The following ADPRHL1 variants were observed in gnomAD, a reference collection of about 807,000 sequenced individuals.
ADPRHL1 encodes the protein ADP-ribosylhydrolase like 1, also known as inactive ADP-ribosyltransferase ARH2.
A neutral mutation model predicts 44.1 loss-of-function variants in ADPRHL1; 43 were observed. That is an observed-to-expected ratio of 0.98 (90% CI 0.76 to 1.26). The LOEUF is 1.26. ADPRHL1 is among the 50% of genes most tolerant of loss of function. The pLI is 0.00. For synonymous variants in ADPRHL1, 878 were observed against 1,017.4 expected, an observed-to-expected ratio of 0.86 and a Z score of 2.61; for missense variants, 2,022 against 2,496.9, an observed-to-expected ratio of 0.81 and a Z score of 4.05.
intron 7 of ADPRHL1, among the ~76,000 whole-genome samples, chr13:113,419,055 T>TTTCCTTCCTTCA (rs1566470041): frequency 7.9e-6 from 1 of 126,190 alleles, no homozygotes; most frequent in African/African-American, 2.9e-5. Context: ...CCTTCCTTCT[T>TTTCCTTCCTTCA]CTCCTTCCTT....
Position 113,403,733 on chromosome 13 carries a change from CCT to C in ADPRHL1, c.5547_5548del (p.Gly1851GlnfsTer36), listed in dbSNP as rs2043781249. On this transcript the variant is annotated frameshift_variant, in exon 8 of 8. Transcript: ENST00000612156. LOFTEE classifies it low-confidence loss of function (END_TRUNC). ...GCTGGGCTCCCCCAGGCCACTGCCC[CCT>C]GACTGTCCACCATCCCTGGGGGCTG... is the stretch of plus-strand genomic sequence containing the variant. 1 of 1,232,446 alleles carries C rather than the reference CCT, an allele frequency of 8.1e-7. No individual in the cohort carries two copies. The highest frequency in any genetic ancestry group is 4.2e-5 in the Admixed American group (1 of 23,714). The allele number at this position is 1,232,446 out of a possible 1,614,324, so 76.3% of individuals were successfully genotyped here.
chr13:113,448,796 T>G (rs1334284255), intron 1 of ADPRHL1, among the ~76,000 whole-genome samples: 1 of 152,226 alleles, frequency 6.6e-6, no homozygotes, highest in African/African-American at 2.4e-5. Flanking sequence ...CACACTGGCC[T>G]AAGTGCTTCC....
chr13:113,452,473 T>C (rs2044185279), intron 1 of ADPRHL1, among the ~76,000 whole-genome samples: 1 of 152,190 alleles, frequency 6.6e-6, no homozygotes, highest in South Asian at 2.1e-4. Context: ...AATTCTGCCA[T>C]GATAAACAGC....
At position 113,400,735 on chromosome 13, in the gene ADPRHL1, T is replaced by G. The variant is rs986017351; in HGVS notation, c.*2643A>C. The G allele has an allele frequency of 2.0e-5, 3 of 152,236 alleles. No homozygotes were observed. The highest frequency in any genetic ancestry group is 7.2e-5 in the African/African-American group (3 of 41,440). The allele number at this position is 152,236 out of a possible 1,614,324, so 9.4% of individuals were successfully genotyped here. ...TGCACACAGAGTAGCTGTGCTGTTT[T>G]TGAGCTGAGGGCAGTGTCATGCTGG... On this transcript the variant is annotated 3_prime_UTR_variant, in exon 8 of 8. Transcript: ENST00000612156.
In ADPRHL1 at chr13:113,409,207, G is replaced by T; in HGVS notation, c.1062-987C>A. 1 of 743,216 alleles carries T rather than the reference G, an allele frequency of 1.3e-6. No individual in the cohort carries two copies. The highest frequency in any genetic ancestry group is 1.6e-6 in the Non-Finnish European group (1 of 608,756). The allele number at this position is 743,216 out of a possible 1,614,324, so 46.0% of individuals were successfully genotyped here. A position where few individuals can be genotyped will look rare whatever the true frequency, so the allele number is the denominator to read the frequency against. On this transcript the variant is annotated intron_variant, in intron 7 of 7. Transcript: ENST00000612156. This position sits in a 1 kb window ranked among gnomAD's most constrained non-coding sequence, Gnocchi z 4.2. Reference sequence around the variant, plus strand: ...TGATTTGATGGTGTTTTCTGAGCCTGGGTCCGGGGTAAGTTCTGCTCCTGA... The same window carrying T: ...TGATTTGATGGTGTTTTCTGAGCCTTGGTCCGGGGTAAGTTCTGCTCCTGA...
intron 7 of ADPRHL1, among the ~76,000 whole-genome samples, chr13:113,415,241 C>T (rs1218397230): frequency 6.6e-6 from 1 of 152,176 alleles, no homozygotes; most frequent in Non-Finnish European, 1.5e-5. Context: ...GCGGACCTGC[C>T]CGTGTCCGGG....
At position 113,407,790 on chromosome 13, in the gene ADPRHL1, C is replaced by A; in HGVS notation, c.1492G>T (p.Gly498Trp). Reference protein sequence around the residue: ...SEKPRWGHPAGKSTVKNILKI... With the variant: ...SEKPRWGHPAWKSTVKNILKI... The stretch of plus-strand genomic sequence containing the variant: ...AGGATGTTTTTCACGGTGCTCTTCC[C>A]GGCCGGGTGGCCCCAGCGGGGCTTC... The change falls in exon 8 of 8, where the codon GGG (glycine) becomes TGG (tryptophan). Residue 498 changes from glycine to tryptophan, a missense_variant. Gly to Trp is a radical substitution (Grantham distance 184). Transcript: ENST00000612156. The A allele has an allele frequency of 1.6e-6, 2 of 1,232,066 alleles. No individual in the cohort carries two copies. Among genetic ancestry groups the A allele is most frequent in the Non-Finnish European group, 2.0e-6 (2 of 988,046 alleles). 76.3% of individuals were successfully genotyped at this position (1,232,066 alleles called of 1,614,324 possible).
chr13:113,450,306 G>A (rs1299515187), intron 1 of ADPRHL1, among the ~76,000 whole-genome samples: 1 of 152,106 alleles, frequency 6.6e-6, no homozygotes, highest in Non-Finnish European at 1.5e-5. Context: ...GTGAAATTTC[G>A]ACTTTGATTT....
chr13:113,400,879 A>T lies in ADPRHL1; in HGVS notation c.*2499T>A, dbSNP rs1005990967. On this transcript the variant is annotated 3_prime_UTR_variant, in exon 8 of 8. Transcript: ENST00000612156. The stretch of plus-strand genomic sequence containing the variant: ...CAGGCACGACACTTCCGGAGCTGTC[A>T]TCTGGAGGAGATTCTCATCATTTTT... 1.3e-5 allele frequency: 2 copies of T among 152,208 alleles called. No homozygotes were observed. The highest frequency in any genetic ancestry group is 4.8e-5 in the African/African-American group (2 of 41,448). 9.4% of individuals were successfully genotyped at this position (152,208 alleles called of 1,614,324 possible).
In ADPRHL1 at chr13:113,404,854, G is replaced by A. The variant is rs773225636; in HGVS notation, c.4428C>T (p.Pro1476=). The change falls in exon 8 of 8, where the codon CCC becomes CCT. Residue 1476 remains proline, a synonymous_variant. Coordinates refer to ENST00000612156, the MANE Select transcript of ADPRHL1 (RefSeq NM_001394807.1). The part of the protein sequence containing the change: ...ARNPAVPPGE[P]EGPGSPAAQG... ...GGGCTGCCGGGCTTCCCGGCCCCTC[G>A]GGCTCCCCTGGAGGCACAGCTGGGT... 5.6e-6 allele frequency: 7 copies of A among 1,248,242 alleles called. No homozygotes were observed. The highest frequency in any genetic ancestry group is 6.3e-5 in the East Asian group (2 of 31,794). The allele number at this position is 1,248,242 out of a possible 1,614,324, so 77.3% of individuals were successfully genotyped here.
At position 113,405,670 on chromosome 13, in the gene ADPRHL1, G is replaced by A; in HGVS notation, c.3612C>T (p.Asp1204=). ...CCGGGTGGCGGGCGAGGGTCGCAAT[G>A]TCCTCTGGGTGCTGGACGAGGGCCA... ...RGVALVQHPE[D]IATLARHPED... The change falls in exon 8 of 8, where the codon GAC becomes GAT. Residue 1204 remains aspartate (D), a synonymous_variant. Transcript: ENST00000612156. 1.6e-6 allele frequency: 2 copies of A among 1,232,548 alleles called. No individual in the cohort carries two copies. Among genetic ancestry groups the A allele is most frequent in the Non-Finnish European group, 2.0e-6 (2 of 988,656 alleles). 76.4% of individuals were successfully genotyped at this position (1,232,548 alleles called of 1,614,324 possible). A position where few individuals can be genotyped will look rare whatever the true frequency, so the allele number is the denominator to read the frequency against.
chr13:113,415,236 C>T (rs2043881259), intron 7 of ADPRHL1, among the ~76,000 whole-genome samples: 1 of 152,176 alleles, frequency 6.6e-6, no homozygotes, highest in Non-Finnish European at 1.5e-5. Context: ...GAGACGCGGA[C>T]CTGCCCGTGT....
chr13:113,404,646 C>T lies in ADPRHL1; in HGVS notation c.4636G>A (p.Gly1546Arg), dbSNP rs2043793177. 7.7e-7 allele frequency: 1 copy of T among 1,301,478 alleles called. No homozygotes were observed. Among genetic ancestry groups the T allele is most frequent in the East Asian group, 3.1e-5 (1 of 32,164 alleles). 80.6% of individuals were successfully genotyped at this position (1,301,478 alleles called of 1,614,324 possible). ...AQKQFQNWAQ[G>R]QAQGHAQEQA... ...TCTTGAGCGTGTCCCTGAGCCTGTC[C>T]CTGGGCCCAATTCTGAAACTGTTTC... The change falls in exon 8 of 8, where the codon GGA (glycine) becomes AGA (arginine). Residue 1546 changes from glycine to arginine, a missense_variant. Physicochemically the swap from Gly to Arg is moderately radical, Grantham distance 125 (BLOSUM62 -2). Coordinates refer to ENST00000612156, the MANE Select transcript of ADPRHL1 (RefSeq NM_001394807.1).
rs115987387 is a variant in ADPRHL1, at chr13:113,419,433, T to C, written c.1061+3393A>G. The stretch of plus-strand genomic sequence containing the variant: ...GGCCACACCTTATTTCATAAGAATG[T>C]CTTGGAGAAAGAAAAATAAAAACTC... On this transcript the variant is annotated intron_variant, in intron 7 of 7. Transcript: ENST00000612156. Among the ~76,000 whole-genome samples, 796 of 151,918 alleles carry C rather than the reference T, an allele frequency of 5.2e-3. 5 individuals carry two copies. Among genetic ancestry groups the C allele is most frequent in the African/African-American group, 0.018 (763 of 41,454 alleles).
rs138962360 is a variant in ADPRHL1 at position 113,433,239 on chromosome 13, C to T, written c.505+503G>A. Reference sequence around the variant, plus strand: ...CCGTGGTCTCCTTGGCTCCCTTGGCCGGCGGGTGGTGGGGCCAACCCAGGG... The same window carrying T: ...CCGTGGTCTCCTTGGCTCCCTTGGCTGGCGGGTGGTGGGGCCAACCCAGGG... On this transcript the variant is annotated intron_variant, in intron 3 of 7. Coordinates refer to ENST00000612156, the MANE Select transcript of ADPRHL1 (RefSeq NM_001394807.1). Among the ~76,000 whole-genome samples, 361 of 152,294 alleles carry T rather than the reference C, an allele frequency of 2.4e-3. 1 individual carries two copies. The highest frequency in any genetic ancestry group is 7.6e-3 in the African/African-American group (314 of 41,554).
rs758556868 is a variant in ADPRHL1, at chr13:113,423,026, C to A, written c.908-47G>T. On this transcript the variant is annotated intron_variant, in intron 6 of 7. Transcript: ENST00000612156. The stretch of plus-strand genomic sequence containing the variant: ...TGCAGTGGGCTCCACCTGACCAGGG[C>A]CTCTGCAAGACCCCTGGGGCTGGCC... The A allele has an allele frequency of 3.1e-6, 5 of 1,609,614 alleles. No homozygotes were observed. In the South Asian group the frequency reaches 5.5e-5, roughly 18 times the overall value.
At position 113,434,546 on chromosome 13, in the gene ADPRHL1, G is replaced by A. The variant is rs947419254; in HGVS notation, c.380-679C>T. ...TGTAGAGTGAACACAGGTGTACCCCGGGACCCGGCACCCAGGTGTAGAGTG... is the reference window on the plus strand; with the variant it reads ...TGTAGAGTGAACACAGGTGTACCCCAGGACCCGGCACCCAGGTGTAGAGTG... On this transcript the variant is annotated intron_variant, in intron 2 of 7. Coordinates refer to ENST00000612156, the MANE Select transcript of ADPRHL1 (RefSeq NM_001394807.1). 1.2e-4 allele frequency among the ~76,000 whole-genome samples: 18 copies of A among 146,818 alleles called. 1 individual carries two copies. The highest frequency in any genetic ancestry group is 2.4e-4 in the Non-Finnish European group (16 of 66,578).
In ADPRHL1 at chr13:113,407,873, G is replaced by A. The variant is rs1431381015; in HGVS notation, c.1409C>T (p.Thr470Ile). The change falls in exon 8 of 8, where the codon ACC becomes ATC. Residue 470 changes from threonine (T) to isoleucine (I), a missense_variant. Around this residue, in one of 8 missense-constraint regions of ADPRHL1, gnomAD observed 1,221 missense variants for 1,517.8 expected, o/e 0.80. Transcript: ENST00000612156. Reference sequence around the variant, plus strand: ...GGTCTTCTCCAGGAGCTTGTTGATGGTGGCACCCACGAGGCCCCCACCCGG... The same window carrying A: ...GGTCTTCTCCAGGAGCTTGTTGATGATGGCACCCACGAGGCCCCCACCCGG... ...QGPGGGLVGATINKLLEKTKE... is the reference protein window; with the variant it reads ...QGPGGGLVGAIINKLLEKTKE... 2 of 1,231,862 alleles carry A rather than the reference G, an allele frequency of 1.6e-6. No individual in the cohort carries two copies. The highest frequency in any genetic ancestry group is 4.1e-5 in the South Asian group (1 of 24,326). 76.3% of individuals were successfully genotyped at this position (1,231,862 alleles called of 1,614,324 possible).
intron 2 of ADPRHL1, among the ~76,000 whole-genome samples, chr13:113,437,721 G>A (rs2044071448): frequency 6.6e-6 from 1 of 152,214 alleles, no homozygotes; most frequent in Non-Finnish European, 1.5e-5. Context: ...TTTGGGCTGT[G>A]TCCAGTCTGG....
Sources: allele counts gnomAD v4.1 joint callset (sites outside exome capture counted in the v4.1 genomes callset), GRCh38; gene constraint gnomAD v4.1.1; regional missense constraint gnomAD v4.1.1; non-coding constraint Gnocchi (gnomAD v3.1); transcripts MANE v1.5; gene names NCBI Gene and HGNC (gene_info 2026-07-23, HGNC 2026-07-21).